The following ZNF732 variants were observed in gnomAD, a reference collection of about 807,000 sequenced individuals.
ZNF732 encodes the protein zinc finger protein 732, also known as zinc finger protein LOC654254.
ZNF732 carries 12 observed loss-of-function variants against 11.5 expected under a neutral mutation model. That is an observed-to-expected ratio of 1.05 (90% confidence interval 0.67 to 1.70). The LOEUF is 1.70. ZNF732 is among the 40% of genes most tolerant of loss of function. The pLI, the probability that ZNF732 is intolerant of heterozygous loss-of-function variation, is 0.00. For synonymous variants in ZNF732, 231 were observed against 236.5 expected, an observed-to-expected ratio of 0.98 and a Z score of 0.21; for missense variants, 702 against 676.9, an observed-to-expected ratio of 1.04 and a Z score of -0.41.
intron 3 of ZNF732, among the ~76,000 whole-genome samples, chr4:286,620 G>C (rs1719737517): frequency 6.6e-6 from 1 of 152,188 alleles, no homozygotes; most frequent in Non-Finnish European, 1.5e-5. Flanking sequence ...AGACTAAACT[G>C]TGACAGGGGT....
At chr4:291,415 C>T (rs1343898263) in intron 3 of ZNF732, among the ~76,000 whole-genome samples, 5 of 151,498 alleles carry the variant, frequency 3.3e-5, no homozygotes, top group African/African-American at 9.7e-5. Context: ...CATAAAGTAA[C>T]AAAATTTCCA....
chr4:292,692 T>G (rs1719863112), intron 3 of ZNF732, among the ~76,000 whole-genome samples: 1 of 151,028 alleles, frequency 6.6e-6, no homozygotes, highest in Non-Finnish European at 1.5e-5. Context: ...AAAGAAGACA[T>G]ACATACAAGG....
intron 3 of ZNF732, among the ~76,000 whole-genome samples, chr4:279,294 A>C (rs575785615): frequency 6.6e-6 from 1 of 152,092 alleles, no homozygotes; most frequent in African/African-American, 2.4e-5. Flanking sequence ...AAAACAAAAA[A>C]AATTAGCTGG....
intron 3 of ZNF732, among the ~76,000 whole-genome samples, chr4:278,409 A>T (rs1443767455): frequency 6.6e-6 from 1 of 152,228 alleles, no homozygotes; most frequent in East Asian, 1.9e-4. Context: ...CAGATTTTTT[A>T]AATGTGACAT....
At chr4:304,566 GCC>G (rs34949567) in intron 1 of ZNF732, among the ~76,000 whole-genome samples, 4 of 150,692 alleles carry the variant, frequency 2.7e-5, no homozygotes, top group South Asian at 2.1e-4. Flanking sequence ...TCCCGCAGCT[GCC>G]CCCCCCCTGC....
At chr4:283,283 T>G (rs181834339) in intron 3 of ZNF732, among the ~76,000 whole-genome samples, 391 of 152,176 alleles carry the variant, frequency 2.6e-3, no homozygotes, top group African/African-American at 8.9e-3. Flanking sequence ...TTACCAACTG[T>G]AGGATATTGT....
At chr4:299,408 T>TATACACAC (rs1414404963) in intron 1 of ZNF732, among the ~76,000 whole-genome samples, 7 of 67,568 alleles carry the variant, frequency 1.0e-4, no homozygotes, top group South Asian at 5.7e-4. Flanking sequence ...TATGTGTATA[T>TATACACAC]ATATATACAC....
chr4:272,093 C>T lies in ZNF732; in HGVS notation c.764G>A (p.Cys255Tyr). ...TGEKSYKYEECGKAFNRSSTL... is the reference protein window; with the variant it reads ...TGEKSYKYEEYGKAFNRSSTL... ...TGAGGACCTATTAAAGGCTTTGCCA[C>T]ATTCTTCATATTTGTAAGATTTCTC... The change falls in exon 4 of 4, where the codon TGT (cysteine) becomes TAT (tyrosine). Residue 255 changes from cysteine (C) to tyrosine (Y), a missense_variant. By Grantham distance (194) the Cys-to-Tyr change is radical. This residue lies in a region of ZNF732 where 596 missense variants were observed against 557.9 expected (regional missense o/e 1.07). Transcript: ENST00000419098. The T allele has an allele frequency of 1.2e-6, 2 of 1,611,888 alleles. No individual in the cohort carries two copies. The highest frequency in any genetic ancestry group is 1.1e-5 in the South Asian group (1 of 90,858).
At chr4:297,722 T>C (rs1471181253) in intron 1 of ZNF732, among the ~76,000 whole-genome samples, 1 of 151,846 alleles carries the variant, frequency 6.6e-6, no homozygotes, top group Non-Finnish European at 1.5e-5. Context: ...CACAAAAGTA[T>C]ATTGCTTTTC....
At chr4:273,550 G>C (rs1719432970) in intron 3 of ZNF732, among the ~76,000 whole-genome samples, 1 of 151,500 alleles carries the variant, frequency 6.6e-6, no homozygotes, top group Non-Finnish European at 1.5e-5. Context: ...AGAAAAATGA[G>C]AACATCAATG....
chr4:304,167 C>A (rs1720177089), intron 1 of ZNF732, among the ~76,000 whole-genome samples: 2 of 152,274 alleles, frequency 1.3e-5, no homozygotes, highest in South Asian at 4.2e-4. Context: ...GAGGGTAGAA[C>A]CCTGTCCTGG....
chr4:300,033 A>AGG (rs1720081474), intron 1 of ZNF732, among the ~76,000 whole-genome samples: 1 of 151,610 alleles, frequency 6.6e-6, no homozygotes, highest in Non-Finnish European at 1.5e-5. Context: ...GCAAAAAGGG[A>AGG]GGCAGAGAGG....
At chr4:278,397 A>G (rs1656928824) in intron 3 of ZNF732, among the ~76,000 whole-genome samples, 1 of 152,224 alleles carries the variant, frequency 6.6e-6, no homozygotes, top group Non-Finnish European at 1.5e-5. Context: ...AGAGATCAAT[A>G]TCAGATTTTT....
At chr4:292,902 A>C (rs1553841554) in intron 3 of ZNF732, among the ~76,000 whole-genome samples, 6 of 146,296 alleles carry the variant, frequency 4.1e-5, no homozygotes, top group Non-Finnish European at 6.0e-5. Context: ...AAAAAAAAAA[A>C]AAAAAAAAAA....
At chr4:273,764 A>T (rs1553838258) in intron 3 of ZNF732, among the ~76,000 whole-genome samples, 1 of 151,874 alleles carries the variant, frequency 6.6e-6, no homozygotes, top group Admixed American at 6.6e-5. Context: ...CTGCAAAATA[A>T]AAGTGATGTG....
At chr4:301,425 T>TTGC (rs1720115915) in intron 1 of ZNF732, among the ~76,000 whole-genome samples, 1 of 152,354 alleles carries the variant, frequency 6.6e-6, no homozygotes, top group East Asian at 1.9e-4. Context: ...ACATGTATGT[T>TTGC]TATTGTGGCA....
chr4:280,240 G>A (rs1553839530), intron 3 of ZNF732, among the ~76,000 whole-genome samples: 1 of 144,816 alleles, frequency 6.9e-6, no homozygotes, highest in African/African-American at 2.5e-5. Context: ...CTGTGACTAT[G>A]TACTTATGAA....
intron 1 of ZNF732, among the ~76,000 whole-genome samples, chr4:298,975 A>C (rs543104061): frequency 6.6e-6 from 1 of 152,176 alleles, no homozygotes; most frequent in Non-Finnish European, 1.5e-5. Context: ...GATCTGGAAA[A>C]CTCAAAGAGC....
chr4:272,476 A>C lies in ZNF732; in HGVS notation c.381T>G (p.Asn127Lys). ...TAGTTGACAAGCATTGATTAAATTC[A>C]TTATAACCTCCTTTCTGCACCTTCC... ...CKRKVQKGGY[N>K]EFNQCLSTIQ... is the part of the protein sequence containing the mutation. Residue 127 changes from asparagine (N) to lysine (K), a missense_variant, in exon 4 of 4, where the codon AAT becomes AAG. Physicochemically the swap from Asn to Lys is moderately conservative, Grantham distance 94. This residue lies in a region of ZNF732 where 596 missense variants were observed against 557.9 expected (regional missense o/e 1.07). Transcript: ENST00000419098. 1 of 1,602,592 alleles carries C rather than the reference A, an allele frequency of 6.2e-7. No homozygotes were observed. The highest frequency in any genetic ancestry group is 8.5e-7 in the Non-Finnish European group (1 of 1,173,572).
Sources: gnomAD v4.1 joint callset for allele counts (sites outside exome capture counted in the v4.1 genomes callset) on GRCh38, gnomAD v4.1.1 for gene constraint, gnomAD v4.1.1 regional missense constraint, MANE v1.5 for transcripts, NCBI Gene and HGNC (gene_info 2026-07-23, HGNC 2026-07-21) for gene names.